Variants in ADCY2 observed in about 807,000 individuals in gnomAD.
The protein encoded by ADCY2 is adenylate cyclase 2, also known as adenylate cyclase type 2.
In ADCY2, 31 loss-of-function variants were observed where a neutral mutation model predicts 125.2. That is an observed-to-expected ratio of 0.25 (90% CI 0.19 to 0.33). ADCY2 has a LOEUF of 0.33. ADCY2 is among the 10% of genes least tolerant of loss of function. The pLI is 1.00. For missense variants in ADCY2, 904 were observed against 1,418.2 expected, an observed-to-expected ratio of 0.64 and a Z score of 5.82; for synonymous variants, 512 against 548.4, an observed-to-expected ratio of 0.93 and a Z score of 0.93.
chr5:7,506,856 C>T (rs1460961056), intron 2 of ADCY2, among the ~76,000 whole-genome samples: 1 of 124,560 alleles, frequency 8.0e-6, no homozygotes, highest in East Asian at 2.6e-4. Context: ...GGCACAATCT[C>T]GGCTCACTGC....
At chr5:7,739,021 A>G (rs562446424) in intron 14 of ADCY2, among the ~76,000 whole-genome samples, 3 of 152,028 alleles carry the variant, frequency 2.0e-5, no homozygotes, top group African/African-American at 7.2e-5. Context: ...CAATAGGAAT[A>G]TATAGGAGGT....
chr5:7,811,116 TCCC>T (rs909320180), intron 22 of ADCY2, among the ~76,000 whole-genome samples: 54 of 152,152 alleles, frequency 3.5e-4, no homozygotes, highest in African/African-American at 1.3e-3. Flanking sequence ...GAACTTGTAC[TCCC>T]GGAACAGACA....
intron 14 of ADCY2, among the ~76,000 whole-genome samples, chr5:7,731,282 G>T (rs148649740): frequency 4.4e-4 from 57 of 130,054 alleles, no homozygotes; most frequent in African/African-American, 1.4e-3. Flanking sequence ...ATGGAGTCTT[G>T]CTCTGTCACC....
chr5:7,694,749 T>A (rs1169855917), intron 5 of ADCY2, among the ~76,000 whole-genome samples: 1 of 152,240 alleles, frequency 6.6e-6, no homozygotes, highest in African/African-American at 2.4e-5. Flanking sequence ...CATGTACAAA[T>A]ATCTATTCAA....
In ADCY2 at chr5:7,396,641, C is replaced by A; in HGVS notation, c.210+135C>A. 1 of 538,338 alleles carries A rather than the reference C, an allele frequency of 1.9e-6. No homozygotes were observed. Among genetic ancestry groups the A allele is most frequent in the Non-Finnish European group, 2.7e-6 (1 of 369,168 alleles). 33.3% of individuals were successfully genotyped at this position (538,338 alleles called of 1,614,324 possible). ...CTCGGCCCGCGGCAGCCCCTCGGCCCGCGGCTCCCTGCTTCTCCTGCTGGC... is the reference window on the plus strand; with the variant it reads ...CTCGGCCCGCGGCAGCCCCTCGGCCAGCGGCTCCCTGCTTCTCCTGCTGGC... On this transcript the variant is annotated intron_variant, in intron 1 of 24. Transcript: ENST00000338316. The surrounding 1 kb of genome is among the most constrained non-coding windows in gnomAD (Gnocchi z 5.7).
chr5:7,556,584 A>G (rs1735513361), intron 3 of ADCY2, among the ~76,000 whole-genome samples: 1 of 152,142 alleles, frequency 6.6e-6, no homozygotes, highest in East Asian at 1.9e-4. Flanking sequence ...ATTATGGCTT[A>G]TGCTTTTGAG....
chr5:7,718,956 A>G (rs1403511992), intron 12 of ADCY2, among the ~76,000 whole-genome samples: 1 of 152,232 alleles, frequency 6.6e-6, no homozygotes, highest in African/African-American at 2.4e-5. Context: ...ATCAGAAGAA[A>G]GAGGGAATCT....
At chr5:7,825,039 G>A (rs1350939955) in intron 24 of ADCY2, among the ~76,000 whole-genome samples, 1 of 152,178 alleles carries the variant, frequency 6.6e-6, no homozygotes, top group Non-Finnish European at 1.5e-5. Context: ...ACTGCTGTGT[G>A]CCATAACACT....
intron 15 of ADCY2, among the ~76,000 whole-genome samples, chr5:7,744,663 A>G (rs1742541764): frequency 6.6e-6 from 1 of 152,250 alleles, no homozygotes; most frequent in Non-Finnish European, 1.5e-5. Flanking sequence ...GTTTTGTTCA[A>G]TGGAGATGAC....
intron 1 of ADCY2, among the ~76,000 whole-genome samples, chr5:7,400,699 G>A (rs1451254089): frequency 3.9e-5 from 6 of 152,168 alleles, no homozygotes; most frequent in Admixed American, 3.9e-4. Context: ...AATAGAGCAT[G>A]TTCTCAGGTA....
chr5:7,412,283 G>A (rs546222911), intron 1 of ADCY2, among the ~76,000 whole-genome samples: 3 of 152,248 alleles, frequency 2.0e-5, no homozygotes, highest in African/African-American at 4.8e-5. Flanking sequence ...ACCCCTGCTG[G>A]GATAATGAAA....
intron 2 of ADCY2, among the ~76,000 whole-genome samples, chr5:7,471,552 C>G (rs1367673512): frequency 6.6e-6 from 1 of 151,810 alleles, no homozygotes; most frequent in African/African-American, 2.4e-5. Context: ...TTATTTTTAC[C>G]TATGCTACAA....
At chr5:7,754,805 A>G (rs1284216433) in intron 15 of ADCY2, among the ~76,000 whole-genome samples, 2 of 152,036 alleles carry the variant, frequency 1.3e-5, no homozygotes, top group East Asian at 1.9e-4. Context: ...TGCAGTGAGC[A>G]GAGATCGTGC....
chr5:7,681,917 A>C (rs1185525145), intron 4 of ADCY2, among the ~76,000 whole-genome samples: 1 of 152,116 alleles, frequency 6.6e-6, no homozygotes, highest in Non-Finnish European at 1.5e-5. Context: ...CTATTTATGT[A>C]TTGTCCCTTT....
chr5:7,780,586 T>C (rs184690945), intron 18 of ADCY2, among the ~76,000 whole-genome samples: 204 of 152,312 alleles, frequency 1.3e-3, no homozygotes, highest in Non-Finnish European at 2.1e-3. Flanking sequence ...GATTTTTTTA[T>C]TTATCCCAAT....
intron 14 of ADCY2, 32 bp from the exon 15 acceptor site, chr5:7,743,636 A>G: frequency 6.2e-7 from 1 of 1,601,548 alleles, no homozygotes; most frequent in South Asian, 1.1e-5. Context: ...AACGATCTCC[A>G]CCCTGACTTG....
intron 2 of ADCY2, among the ~76,000 whole-genome samples, chr5:7,430,490 C>A (rs1740548514): frequency 6.9e-6 from 1 of 144,874 alleles, no homozygotes; most frequent in Non-Finnish European, 1.5e-5. Flanking sequence ...CACATTTAAT[C>A]TAGTAACACA....
chr5:7,549,408 A>G (rs1394108880), intron 3 of ADCY2, among the ~76,000 whole-genome samples: 1 of 152,232 alleles, frequency 6.6e-6, no homozygotes, highest in Non-Finnish European at 1.5e-5. Flanking sequence ...GGTCACTTTC[A>G]CTGATCATAC....
At chr5:7,565,517 T>C (rs1402923504) in intron 3 of ADCY2, among the ~76,000 whole-genome samples, 1 of 152,178 alleles carries the variant, frequency 6.6e-6, no homozygotes, top group African/African-American at 2.4e-5. Flanking sequence ...TTCTCCAACA[T>C]CAGTTTGCTT....
Sources: gnomAD v4.1 joint callset for allele counts (sites outside exome capture counted in the v4.1 genomes callset) on GRCh38, gnomAD v4.1.1 for gene constraint, Gnocchi (gnomAD v3.1) non-coding constraint, MANE v1.5 for transcripts, NCBI Gene and HGNC (gene_info 2026-07-23, HGNC 2026-07-21) for gene names.